The following KIF5A variants were observed in gnomAD, a reference collection of about 807,000 sequenced individuals.
KIF5A encodes kinesin heavy chain isoform 5A.
KIF5A carries 35 observed loss-of-function variants against 141.3 expected under a neutral mutation model. The observed-to-expected ratio is 0.25, with a 90% CI of 0.19 to 0.33. The LOEUF is 0.33. Ranked by LOEUF, KIF5A falls within the 10% of genes least tolerant of loss-of-function variation. The pLI is 1.00. For missense variants in KIF5A, 861 were observed against 1,314.3 expected, an observed-to-expected ratio of 0.66 and a Z score of 5.33; for synonymous variants, 448 against 500.2, an observed-to-expected ratio of 0.90 and a Z score of 1.39.
intron 27 of KIF5A, 144 bp from the exon 28 acceptor site, chr12:57,582,957 C>G: frequency 2.7e-6 from 2 of 744,302 alleles, no homozygotes; most frequent in East Asian, 5.4e-5. Context: ...ATCCCTCTGG[C>G]CTTGAGTTTC....
chr12:57,568,561 A>G (rs1350841632), intron 8 of KIF5A, among the ~76,000 whole-genome samples: 1 of 152,058 alleles, frequency 6.6e-6, no homozygotes, highest in Non-Finnish European at 1.5e-5. Flanking sequence ...CCCCATCTCT[A>G]CAAAAAATGC....
rs1349876246 is a variant in KIF5A, at chr12:57,583,107, C to G, written c.3027C>G (p.Asp1009Glu). The G allele has an allele frequency of 6.2e-7, 1 of 1,613,812 alleles. No individual in the cohort carries two copies. The highest frequency in any genetic ancestry group is 8.5e-7 in the Non-Finnish European group (1 of 1,179,818). The change falls in exon 28 of 29, where the codon GAC becomes GAG. Residue 1009 changes from aspartate to glutamate, a missense_variant. Asp to Glu is a conservative substitution (Grantham distance 45). Transcript: ENST00000455537. ...GGTGGGTCTCTTCCTCCAGGAGTGA[C>G]CTGCCGTGTGGCTATGAGGCTGAGG... is the stretch of plus-strand genomic sequence containing the variant. The part of the protein sequence containing the change: ...NATDINDNRS[D>E]LPCGYEAEDQ...
In KIF5A at chr12:57,581,112, C is replaced by T. The variant is rs1882582077; in HGVS notation, c.2695C>T (p.Arg899Cys). Residue 899 changes from arginine to cysteine, a missense_variant, in exon 24 of 29, where the codon CGC becomes TGC. Coordinates refer to ENST00000455537, the MANE Select transcript of KIF5A (RefSeq NM_004984.4). ...DKRRYQQEVD[R>C]IKEAVRYKSS... ...GCGCCGGTACCAGCAGGAGGTGGAC[C>T]GCATCAAGGAGGCCGTTCGCTACAA... 8.1e-6 allele frequency: 13 copies of T among 1,614,128 alleles called. No individual in the cohort carries two copies. Among genetic ancestry groups the T allele is most frequent in the Non-Finnish European group, 1.1e-5 (13 of 1,180,024 alleles).
At position 57,576,768 on chromosome 12, in the gene KIF5A, C is replaced by A; in HGVS notation, c.2206C>A (p.Gln736Lys). ...CCTTCTGATGCTCTGTAGCCTAAAT[C>A]AGAAGCTCCAGTTAGAGCTAGAGAA... ...KTIDELKDLN[Q>K]KLQLELEKLQ... The change falls in exon 20 of 29, where the codon CAG becomes AAG. Residue 736 changes from glutamine (Q) to lysine (K), a missense_variant. Physicochemically the swap from Gln to Lys is moderately conservative, Grantham distance 53. Around this residue, in one of 5 missense-constraint regions of KIF5A, gnomAD observed 482 missense variants for 661.3 expected, o/e 0.73. Transcript: ENST00000455537. 2 of 1,612,954 alleles carry A rather than the reference C, an allele frequency of 1.2e-6. No homozygotes were observed. The highest frequency in any genetic ancestry group is 1.1e-5 in the South Asian group (1 of 90,962).
chr12:57,558,969 G>A (rs1881828021), intron 1 of KIF5A, among the ~76,000 whole-genome samples: 1 of 151,908 alleles, frequency 6.6e-6, no homozygotes, highest in Non-Finnish European at 1.5e-5. Flanking sequence ...GTAGAGACAG[G>A]GTCTCCCTAT....
chr12:57,576,228 T>C (rs1019116564), intron 18 of KIF5A, 41 bp from the exon 19 acceptor site: 17 of 1,611,514 alleles, frequency 1.1e-5, no homozygotes, highest in Non-Finnish European at 1.4e-5. Flanking sequence ...AGCTTGTTGC[T>C]GGGAGTCTGG....
chr12:57,573,330 G>A (rs1238429213), intron 15 of KIF5A, among the ~76,000 whole-genome samples: 2 of 152,126 alleles, frequency 1.3e-5, no homozygotes, highest in South Asian at 2.1e-4. Context: ...AGGAGTTCAC[G>A]ACCAGCCTGG....
In KIF5A at chr12:57,569,751, G is replaced by A. The variant is rs1028175941; in HGVS notation, c.1117+68G>A. On this transcript the variant is annotated intron_variant, in intron 11 of 28. Coordinates refer to ENST00000455537, the MANE Select transcript of KIF5A (RefSeq NM_004984.4). ...AGGAGGATGTTTGGGAGCCAACTCT[G>A]TTTGGGTGGTGTTTCTGGCCAGGCC... 1.9e-6 allele frequency: 3 copies of A among 1,592,492 alleles called. No individual in the cohort carries two copies. The East Asian group carries it at 6.7e-5, about 36-fold the overall frequency.
At chr12:57,555,166 C>T (rs543827076) in intron 1 of KIF5A, among the ~76,000 whole-genome samples, 7 of 152,212 alleles carry the variant, frequency 4.6e-5, no homozygotes, top group African/African-American at 1.4e-4. Flanking sequence ...TATACTCCCC[C>T]AGATTCTGAT....
Position 57,567,057 on chromosome 12 carries a change from A to G in KIF5A, c.502-69A>G. On this transcript the variant is annotated intron_variant, in intron 6 of 28. Coordinates refer to ENST00000455537, the MANE Select transcript of KIF5A (RefSeq NM_004984.4). The stretch of plus-strand genomic sequence containing the variant: ...CATCTCAAAAGAAAATAATAATAAT[A>G]AAAATAAATAAATAAATACAAACTT... 3.5e-6 allele frequency: 3 copies of G among 846,246 alleles called. 1 individual carries two copies. The highest frequency in any genetic ancestry group is 4.5e-5 in the Admixed American group (2 of 44,432). 52.4% of individuals were successfully genotyped at this position (846,246 alleles called of 1,614,324 possible).
rs781663145 is a variant in KIF5A, at chr12:57,570,126, G to A, written c.1257G>A (p.Glu419=). 2.5e-6 allele frequency: 4 copies of A among 1,614,118 alleles called. No homozygotes were observed. In the South Asian group the frequency reaches 4.4e-5, roughly 18 times the overall value. ...IAPEERQKYE[E]EIRRLYKQLD... is the part of the protein sequence containing the mutation. The stretch of plus-strand genomic sequence containing the variant: ...CCGAGGAGCGGCAGAAATACGAGGA[G>A]GAGATCCGCCGTCTCTATAAGCAGC... Residue 419 remains glutamate, a synonymous_variant, in exon 12 of 29, where the codon GAG becomes GAA. Coordinates refer to ENST00000455537, the MANE Select transcript of KIF5A (RefSeq NM_004984.4).
chr12:57,581,528 C>G lies in KIF5A; in HGVS notation c.2869C>G (p.Leu957Val). ...TNSLFQNYQN[L>V]YLQATPSSTS... ...CAGCCTCTTCCAGAACTACCAGAAT[C>G]TCTACCTGCAGGCCACACCCAGCTC... The change falls in exon 25 of 29, where the codon CTC becomes GTC. Residue 957 changes from leucine to valine, a missense_variant. Transcript: ENST00000455537. 1.9e-6 allele frequency: 3 copies of G among 1,614,150 alleles called. No homozygotes were observed. Among genetic ancestry groups the G allele is most frequent in the Non-Finnish European group, 2.5e-6 (3 of 1,180,036 alleles).
chr12:57,569,535 G>A lies in KIF5A; in HGVS notation c.969G>A (p.Arg323=). Reference sequence around the variant, plus strand: ...CTTTGTTCCTCTTCTCCTCACCCAGGGCAAAGACCATTAAGAACACTGCCT... The same window carrying A: ...CTTTGTTCCTCTTCTCCTCACCCAGAGCAAAGACCATTAAGAACACTGCCT... ...ETKSTLMFGQ[R]AKTIKNTASV... The change falls in exon 11 of 29, where the codon CGG becomes CGA. Residue 323 remains arginine, a splice_region_variant and synonymous_variant. Transcript: ENST00000455537. The A allele has an allele frequency of 1.9e-6, 3 of 1,613,886 alleles. No individual in the cohort carries two copies. Among genetic ancestry groups the A allele is most frequent in the Non-Finnish European group, 2.5e-6 (3 of 1,180,000 alleles).
chr12:57,567,888 T>C (rs1163536970), intron 8 of KIF5A, among the ~76,000 whole-genome samples: 3 of 138,928 alleles, frequency 2.2e-5, no homozygotes, highest in Non-Finnish European at 3.1e-5. Context: ...TCCTTGGCTC[T>C]TTTTTTTTTT....
intron 28 of KIF5A, 97 bp downstream of exon 28, chr12:57,583,312 T>G: frequency 1.4e-6 from 1 of 710,068 alleles, no homozygotes; most frequent in Admixed American, 2.4e-5. Context: ...TTTTTTTTTA[T>G]CACCTCAAAA....
rs758637368 is a variant in KIF5A, at chr12:57,581,130, C to T, written c.2713C>T (p.Arg905Cys). 5.0e-6 allele frequency: 8 copies of T among 1,613,978 alleles called. No individual in the cohort carries two copies. Among genetic ancestry groups the T allele is most frequent in the East Asian group, 4.5e-5 (2 of 44,894 alleles). Residue 905 changes from arginine (R) to cysteine (C), a missense_variant, in exon 24 of 29, where the codon CGC becomes TGC. By Grantham distance (180) the Arg-to-Cys change is radical (BLOSUM62 -3). Around this residue, in one of 5 missense-constraint regions of KIF5A, gnomAD observed 482 missense variants for 661.3 expected, o/e 0.73. Transcript: ENST00000455537. ...QEVDRIKEAV[R>C]YKSSGKRGHS... ...GGTGGACCGCATCAAGGAGGCCGTT[C>T]GCTACAAGAGCTCGGGCAAACGGGG...
chr12:57,569,465 G>T, intron 10 of KIF5A, 61 bp downstream of exon 10: 1 of 1,612,882 alleles, frequency 6.2e-7, no homozygotes, highest in Non-Finnish European at 8.5e-7. Flanking sequence ...AGCCTCTGCG[G>T]CTCTCTCTCC....
chr12:57,574,523 C>T (rs893335369), intron 15 of KIF5A, among the ~76,000 whole-genome samples: 11 of 150,658 alleles, frequency 7.3e-5, no homozygotes, highest in Non-Finnish European at 1.0e-4. Flanking sequence ...CCACCCACCT[C>T]GGCCTCCCAA....
In KIF5A at chr12:57,572,418, C is replaced by T. The variant is rs899693607; in HGVS notation, c.1569+151C>T. 5.6e-6 allele frequency: 7 copies of T among 1,255,988 alleles called. No homozygotes were observed. The highest frequency in any genetic ancestry group is 7.9e-6 in the Non-Finnish European group (7 of 881,498). 77.8% of individuals were successfully genotyped at this position (1,255,988 alleles called of 1,614,324 possible). On this transcript the variant is annotated intron_variant, in intron 14 of 28. Coordinates refer to ENST00000455537, the MANE Select transcript of KIF5A (RefSeq NM_004984.4). The surrounding 1 kb of genome is among the most constrained non-coding windows in gnomAD (Gnocchi z 4.2). Reference sequence around the variant, plus strand: ...GAGTCCCTCCCCAACCCTGTCACTGCACTTTCCCCTCACAGTCCCTCTGTC... The same window carrying T: ...GAGTCCCTCCCCAACCCTGTCACTGTACTTTCCCCTCACAGTCCCTCTGTC...
Sources: allele counts gnomAD v4.1 joint callset (sites outside exome capture counted in the v4.1 genomes callset), GRCh38; gene constraint gnomAD v4.1.1; regional missense constraint gnomAD v4.1.1; non-coding constraint Gnocchi (gnomAD v3.1); transcripts MANE v1.5; gene names NCBI Gene and HGNC (gene_info 2026-07-23, HGNC 2026-07-21).